DNER: variants seen among roughly 807,000 people sequenced by gnomAD.
The protein encoded by DNER is delta and Notch-like epidermal growth factor-related receptor.
In DNER, 33 loss-of-function variants were observed where a neutral mutation model predicts 78.2. The observed-to-expected ratio is 0.42, with a 90% CI of 0.32 to 0.56. The LOEUF (loss-of-function observed/expected upper bound fraction) is 0.56, where lower values mean the gene tolerates loss of function less well. Among genes scored for constraint, DNER ranks in the 20% least tolerant of loss-of-function variants. The pLI is 0.11. For missense variants in DNER, 918 were observed against 975.3 expected, an observed-to-expected ratio of 0.94 and a Z score of 0.78; for synonymous variants, 417 against 384.8, an observed-to-expected ratio of 1.08 and a Z score of -0.98.
chr2:229,693,243 A>T (rs1248182828), intron 1 of DNER, among the ~76,000 whole-genome samples: 1 of 151,660 alleles, frequency 6.6e-6, no homozygotes, highest in Non-Finnish European at 1.5e-5. Context: ...CCATGTGAAG[A>T]AGGACGCATT....
At chr2:229,452,577 C>T (rs190571026) in intron 7 of DNER, among the ~76,000 whole-genome samples, 135 of 152,100 alleles carry the variant, frequency 8.9e-4, no homozygotes, top group African/African-American at 3.0e-3. Flanking sequence ...AAGAAAAGTC[C>T]GAAATCCAAA....
intron 8 of DNER, among the ~76,000 whole-genome samples, chr2:229,423,125 G>A (rs1693801954): frequency 6.6e-6 from 1 of 152,118 alleles, no homozygotes; most frequent in South Asian, 2.1e-4. Context: ...GGTTCTACTG[G>A]AATTTAGGAG....
intron 12 of DNER, among the ~76,000 whole-genome samples, chr2:229,361,702 T>TCATA (rs1692214690): frequency 2.6e-5 from 4 of 152,128 alleles, no homozygotes; most frequent in Admixed American, 1.3e-4. Flanking sequence ...TTTACAAATA[T>TCATA]GTATGAAGCC....
chr2:229,681,195 A>G (rs1699381804), intron 1 of DNER, among the ~76,000 whole-genome samples: 1 of 152,198 alleles, frequency 6.6e-6, no homozygotes, highest in Non-Finnish European at 1.5e-5. Context: ...AAATTTCACA[A>G]CCAGCAGGTA....
intron 7 of DNER, among the ~76,000 whole-genome samples, chr2:229,449,583 G>C (rs1694410965): frequency 6.6e-6 from 1 of 152,048 alleles, no homozygotes; most frequent in Non-Finnish European, 1.5e-5. Flanking sequence ...AAAAAATGGT[G>C]GGGGTGGGCG....
intron 7 of DNER, among the ~76,000 whole-genome samples, chr2:229,451,962 A>G (rs1207824389): frequency 6.6e-6 from 1 of 152,226 alleles, no homozygotes; most frequent in Non-Finnish European, 1.5e-5. Context: ...ATGGGTAACA[A>G]GGAGACATAA....
intron 8 of DNER, among the ~76,000 whole-genome samples, chr2:229,443,999 G>A (rs985639974): frequency 6.6e-5 from 10 of 152,162 alleles, no homozygotes; most frequent in Admixed American, 5.9e-4. Context: ...GCCCTGTCAC[G>A]ATTACAAGGC....
At chr2:229,670,875 G>T (rs920681424) in intron 1 of DNER, among the ~76,000 whole-genome samples, 12 of 152,088 alleles carry the variant, frequency 7.9e-5, no homozygotes, top group African/African-American at 2.9e-4. Flanking sequence ...TAGCCACAAT[G>T]GGCTAGCAGC....
intron 8 of DNER, among the ~76,000 whole-genome samples, chr2:229,438,910 C>T (rs1244691378): frequency 6.6e-6 from 1 of 152,186 alleles, no homozygotes; most frequent in South Asian, 2.1e-4. Context: ...CTTGGTGAGT[C>T]AAGGCCACTT....
chr2:229,389,650 G>A (rs1373477918), intron 10 of DNER, among the ~76,000 whole-genome samples: 2 of 152,084 alleles, frequency 1.3e-5, no homozygotes, highest in East Asian at 3.9e-4. Context: ...GCATTAAATT[G>A]CTTTTCTATC....
intron 1 of DNER, 35 bp downstream of exon 1, chr2:229,714,113 C>T: frequency 1.6e-6 from 2 of 1,274,288 alleles, no homozygotes; most frequent in South Asian, 2.5e-5. Context: ...GGTCCCGGAC[C>T]AGCGCCCCGC....
intron 5 of DNER, among the ~76,000 whole-genome samples, chr2:229,526,400 T>C (rs138507310): frequency 2.5e-4 from 38 of 152,296 alleles, no homozygotes; most frequent in African/African-American, 8.7e-4. Context: ...GACTAGGAAA[T>C]TGAATTCAGG....
intron 4 of DNER, 52 bp from the exon 5 acceptor site, chr2:229,547,144 C>T: frequency 6.2e-7 from 1 of 1,603,462 alleles, no homozygotes. Flanking sequence ...TCTTTAAAGG[C>T]AGTGTGTTGA....
intron 11 of DNER, among the ~76,000 whole-genome samples, chr2:229,381,500 C>T (rs1692735829): frequency 1.3e-5 from 2 of 152,152 alleles, no homozygotes; most frequent in South Asian, 2.1e-4. Flanking sequence ...CCCACCCCCA[C>T]GGAGCCCAGC....
chr2:229,664,396 A>G (rs1032223785), intron 1 of DNER, among the ~76,000 whole-genome samples: 6 of 152,168 alleles, frequency 3.9e-5, no homozygotes, highest in Non-Finnish European at 8.8e-5. Flanking sequence ...TAATCCCAGC[A>G]CTGCGGGAGG....
chr2:229,552,032 G>A (rs1696754451), intron 4 of DNER, among the ~76,000 whole-genome samples: 3 of 152,144 alleles, frequency 2.0e-5, no homozygotes, highest in Admixed American at 2.0e-4. Context: ...GACGTGTGTG[G>A]AATACATATA....
At chr2:229,506,475 A>G (rs1695747811) in intron 6 of DNER, among the ~76,000 whole-genome samples, 1 of 151,976 alleles carries the variant, frequency 6.6e-6, no homozygotes, top group South Asian at 2.1e-4. Context: ...TACAATTATC[A>G]AAGTTCATAT....
chr2:229,644,801 G>T (rs959408383), intron 1 of DNER, among the ~76,000 whole-genome samples: 3 of 152,062 alleles, frequency 2.0e-5, no homozygotes, highest in African/African-American at 7.2e-5. Context: ...CTGAATTTAT[G>T]GCTCTAATTT....
At chr2:229,427,969 G>A (rs1165930968) in intron 8 of DNER, among the ~76,000 whole-genome samples, 5 of 152,102 alleles carry the variant, frequency 3.3e-5, no homozygotes, top group East Asian at 3.9e-4. Context: ...CAGCTACTTG[G>A]GAGGCTGAGG....
Sources: allele counts gnomAD v4.1 joint callset (sites outside exome capture counted in the v4.1 genomes callset), GRCh38; gene constraint gnomAD v4.1.1; transcripts MANE v1.5; gene names NCBI Gene and HGNC (gene_info 2026-07-23, HGNC 2026-07-21).